TMTC2: variants seen among roughly 807,000 people sequenced by gnomAD.
The protein encoded by TMTC2 is protein O-mannosyl-transferase TMTC2.
In TMTC2, 43 loss-of-function variants were observed where a neutral mutation model predicts 82.4. The observed-to-expected ratio is 0.52, with a 90% CI of 0.41 to 0.67. The LOEUF (loss-of-function observed/expected upper bound fraction) is 0.67. TMTC2 is among the 30% of genes least tolerant of loss of function. The pLI is 0.00. For missense variants in TMTC2, 919 were observed against 1,012.4 expected, an observed-to-expected ratio of 0.91 and a Z score of 1.25; for synonymous variants, 408 against 381.9, an observed-to-expected ratio of 1.07 and a Z score of -0.80.
At position 82,882,100 on chromosome 12, in the gene TMTC2, C is replaced by T. The variant is rs76610248; in HGVS notation, c.655-13718C>T. 2.7e-5 allele frequency among the ~76,000 whole-genome samples: 4 copies of T among 145,730 alleles called. No homozygotes were observed. In the South Asian group the frequency reaches 6.5e-4, roughly 24 times the overall value. On this transcript the variant is annotated intron_variant, in intron 2 of 11. Transcript: ENST00000321196. ...CTGCAAGCTCCGCCTCCCGGGTTCA[C>T]GCCATTCTCCTGCCTCAGCCTCCCA... is the stretch of plus-strand genomic sequence containing the variant.
chr12:83,019,297 G>T (rs554540420), intron 8 of TMTC2, among the ~76,000 whole-genome samples: 1 of 152,052 alleles, frequency 6.6e-6, no homozygotes, highest in Non-Finnish European at 1.5e-5. Context: ...AGGTATGTTG[G>T]CAGTTGTCTG....
chr12:83,112,383 T>A (rs1339710899), intron 11 of TMTC2, among the ~76,000 whole-genome samples: 3 of 152,154 alleles, frequency 2.0e-5, no homozygotes, highest in African/African-American at 7.2e-5. Flanking sequence ...AGACCTCATT[T>A]TCCAAGAAAT....
At chr12:83,034,371 A>G (rs922105967) in intron 9 of TMTC2, among the ~76,000 whole-genome samples, 6 of 152,216 alleles carry the variant, frequency 3.9e-5, no homozygotes, top group Non-Finnish European at 8.8e-5. Context: ...GCAGAGAAAA[A>G]AAAACCTAAT....
chr12:82,817,115 C>T (rs914928667), intron 1 of TMTC2, among the ~76,000 whole-genome samples: 4 of 151,510 alleles, frequency 2.6e-5, no homozygotes, highest in African/African-American at 9.7e-5. Context: ...TTATAGGCGC[C>T]CGCCACCACA....
intron 8 of TMTC2, among the ~76,000 whole-genome samples, chr12:83,008,743 TAC>T (rs1479611258): frequency 1.3e-5 from 2 of 152,172 alleles, no homozygotes; most frequent in African/African-American, 4.8e-5. Flanking sequence ...GAAAATGAAA[TAC>T]GCAGCCTCTA....
At chr12:82,907,991 A>G (rs2137203426) in intron 3 of TMTC2, among the ~76,000 whole-genome samples, 1 of 152,204 alleles carries the variant, frequency 6.6e-6, no homozygotes, top group Admixed American at 6.5e-5. Context: ...AGGCACCTGT[A>G]GTCCCAGCTA....
At chr12:82,979,077 A>C (rs1418948620) in intron 7 of TMTC2, among the ~76,000 whole-genome samples, 1 of 151,332 alleles carries the variant, frequency 6.6e-6, no homozygotes, top group Admixed American at 6.6e-5. Context: ...GTGTGTCTTT[A>C]TAGGTAAAGT....
Position 82,687,679 on chromosome 12 carries a change from C to G in TMTC2, c.83+10C>G, listed in dbSNP as rs749015017. On this transcript the variant is annotated intron_variant, in intron 1 of 11. Coordinates refer to ENST00000321196, the MANE Select transcript of TMTC2 (RefSeq NM_152588.3). ...TCTGCTATGATGACAGGTAAGGGGCCGAGAGGAGGGGGCGACGGGCTGCAG... is the reference window on the plus strand; with the variant it reads ...TCTGCTATGATGACAGGTAAGGGGCGGAGAGGAGGGGGCGACGGGCTGCAG... The G allele has an allele frequency of 1.9e-5, 30 of 1,600,592 alleles. No individual in the cohort carries two copies. The Middle Eastern group carries it at 6.6e-4, about 35-fold the overall frequency.
chr12:82,880,792 A>C (rs1051530306), intron 2 of TMTC2, among the ~76,000 whole-genome samples: 3 of 152,226 alleles, frequency 2.0e-5, no homozygotes, highest in African/African-American at 4.8e-5. Context: ...CTATTAAAAC[A>C]AGTTGTCTAA....
chr12:82,812,366 A>G (rs979053641), intron 1 of TMTC2, among the ~76,000 whole-genome samples: 10 of 152,128 alleles, frequency 6.6e-5, no homozygotes, highest in African/African-American at 2.4e-4. Flanking sequence ...GAATCCCATA[A>G]GAAGTAAGGA....
At chr12:83,075,743 G>A (rs958626313) in intron 11 of TMTC2, among the ~76,000 whole-genome samples, 1 of 152,154 alleles carries the variant, frequency 6.6e-6, no homozygotes, top group Non-Finnish European at 1.5e-5. Flanking sequence ...GTTAAGTCAG[G>A]ATCAATTTTA....
At chr12:82,903,310 A>G (rs1447376149) in intron 3 of TMTC2, among the ~76,000 whole-genome samples, 1 of 152,166 alleles carries the variant, frequency 6.6e-6, no homozygotes, top group East Asian at 1.9e-4. Context: ...ACTATTTGAC[A>G]TACTATATTT....
At chr12:83,117,315 C>T (rs1165085680) in intron 11 of TMTC2, among the ~76,000 whole-genome samples, 4 of 152,028 alleles carry the variant, frequency 2.6e-5, no homozygotes, top group South Asian at 2.1e-4. Context: ...AGGACATAAC[C>T]GAAAAAGGAA....
chr12:82,907,717 T>C (rs912217369), intron 3 of TMTC2, among the ~76,000 whole-genome samples: 1 of 152,186 alleles, frequency 6.6e-6, no homozygotes, highest in African/African-American at 2.4e-5. Context: ...TTAGAGTTAC[T>C]TTAGATTATA....
intron 8 of TMTC2, among the ~76,000 whole-genome samples, chr12:83,011,109 A>C (rs138543772): frequency 6.6e-6 from 1 of 152,214 alleles, no homozygotes. Context: ...TGTTGGGATT[A>C]CAGGCATGAG....
chr12:82,792,623 C>T (rs963485325), intron 1 of TMTC2, among the ~76,000 whole-genome samples: 1 of 151,984 alleles, frequency 6.6e-6, no homozygotes, highest in African/African-American at 2.4e-5. Context: ...TGCATCACCA[C>T]ACCCAGCTAT....
intron 1 of TMTC2, among the ~76,000 whole-genome samples, chr12:82,794,790 G>A (rs753224522): frequency 2.6e-5 from 4 of 152,166 alleles, no homozygotes; most frequent in East Asian, 3.9e-4. Context: ...GATGTAAGTC[G>A]CAGTTTTGCC....
chr12:82,739,114 C>T (rs1168145862), intron 1 of TMTC2, among the ~76,000 whole-genome samples: 2 of 146,552 alleles, frequency 1.4e-5, no homozygotes, highest in East Asian at 4.0e-4. Context: ...TGCCACTGCA[C>T]TCTAGCCTGG....
intron 11 of TMTC2, among the ~76,000 whole-genome samples, chr12:83,091,069 C>A (rs185232773): frequency 6.6e-6 from 1 of 152,170 alleles, no homozygotes; most frequent in Non-Finnish European, 1.5e-5. Context: ...TCTGTCTAAA[C>A]GTGCTTTGTT....
Sources: allele counts gnomAD v4.1 joint callset (sites outside exome capture counted in the v4.1 genomes callset), GRCh38; gene constraint gnomAD v4.1.1; transcripts MANE v1.5; gene names NCBI Gene and HGNC (gene_info 2026-07-23, HGNC 2026-07-21).